SH3TC1: variants seen among roughly 807,000 people sequenced by gnomAD.
The protein encoded by SH3TC1 is SH3 domain and tetratricopeptide repeat-containing protein 1.
A neutral mutation model predicts 117.3 loss-of-function variants in SH3TC1; 135 were observed. The observed-to-expected ratio is 1.15, with a 90% CI of 1.00 to 1.33. The LOEUF is 1.33. Ranked by LOEUF, SH3TC1 falls within the 40% of genes most tolerant of loss-of-function variation. The probability of loss-of-function intolerance (pLI) is 0.00; values close to 1 mark genes in which losing one functional copy is unlikely to be tolerated. For synonymous variants in SH3TC1, 898 were observed against 816.9 expected (o/e 1.10, Z -1.69); for missense variants, 2,092 against 1,794.3 (o/e 1.17, Z -3.00).
intron 9 of SH3TC1, among the ~76,000 whole-genome samples, chr4:8,220,082 A>G (rs929785176): frequency 2.6e-4 from 40 of 152,218 alleles, no homozygotes; most frequent in African/African-American, 7.7e-4. Flanking sequence ...TCCAACTCCA[A>G]TCTGACCTCA....
At chr4:8,218,980 T>C (rs1719618934) in intron 8 of SH3TC1, among the ~76,000 whole-genome samples, 1 of 152,050 alleles carries the variant, frequency 6.6e-6, no homozygotes, top group Admixed American at 6.6e-5. Context: ...TGCGCACCTG[T>C]CAGGGGGACT....
upstream of SH3TC1, among the ~76,000 whole-genome samples, chr4:8,195,936 G>A (rs1182138991): frequency 6.6e-6 from 1 of 152,194 alleles, no homozygotes; most frequent in Admixed American, 6.5e-5. Flanking sequence ...CTGAGCAGGG[G>A]CACAGGGCAG....
intron 14 of SH3TC1, among the ~76,000 whole-genome samples, chr4:8,234,986 T>C (rs1444848616): frequency 2.0e-5 from 3 of 152,244 alleles, no homozygotes; most frequent in Non-Finnish European, 4.4e-5. Flanking sequence ...GCACCTGCTG[T>C]ATACTTCCTT....
chr4:8,232,395 C>A (rs760157168), intron 13 of SH3TC1: 1 of 1,579,914 alleles, frequency 6.3e-7, no homozygotes. Flanking sequence ...CCTGCTTGCA[C>A]ACCTCCCCAA....
Position 8,212,753 on chromosome 4 carries a change from C to T in SH3TC1, c.300C>T (p.Pro100=), listed in dbSNP as rs756260540. ...GGAGGAAGAGCAGACTGCGGGACCC[C>T]GGCCTACAGCAGACCCTCCGGGGCC... is the stretch of plus-strand genomic sequence containing the variant. ...AVRRKSRLRD[P]GLQQTLRGQL... Residue 100 remains proline, a synonymous_variant, in exon 4 of 18, where the codon CCC becomes CCT. Transcript: ENST00000245105. 1.1e-5 allele frequency: 17 copies of T among 1,612,572 alleles called. No homozygotes were observed. Among genetic ancestry groups the T allele is most frequent in the South Asian group, 4.4e-5 (4 of 90,966 alleles).
rs772874177 is a variant in SH3TC1, at chr4:8,203,547, A to G, written c.-28-1620A>G. Among the ~76,000 whole-genome samples, 14 of 152,070 alleles carry G rather than the reference A, an allele frequency of 9.2e-5. No homozygotes were observed. The South Asian group carries it at 1.9e-3, about 20-fold the overall frequency. ...GGAAACTGGGCTCCATCTGTGCTTG[A>G]TGTATGGTGAGATTTTCCGTGCTGC... On this transcript the variant is annotated intron_variant, in intron 1 of 17. Coordinates refer to ENST00000245105, the MANE Select transcript of SH3TC1 (RefSeq NM_018986.5).
intron 3 of SH3TC1, among the ~76,000 whole-genome samples, chr4:8,211,903 G>A (rs933013041): frequency 2.0e-5 from 3 of 152,138 alleles, no homozygotes; most frequent in South Asian, 2.1e-4. Flanking sequence ...GAGTAGGGCC[G>A]ATGGGTCGGA....
intron 17 of SH3TC1, among the ~76,000 whole-genome samples, chr4:8,238,711 G>A (rs547677305): frequency 1.6e-4 from 24 of 152,324 alleles, no homozygotes; most frequent in African/African-American, 5.5e-4. Flanking sequence ...CCAGAGGGAC[G>A]CTGCTCACTG....
intron 1 of SH3TC1, among the ~76,000 whole-genome samples, chr4:8,187,358 C>T (rs1033672271): frequency 1.3e-5 from 2 of 149,718 alleles, no homozygotes; most frequent in African/African-American, 5.1e-5. Context: ...CATTTCCACA[C>T]TATCCTCTGT....
chr4:8,207,800 C>T (rs1163515169), intron 2 of SH3TC1, among the ~76,000 whole-genome samples: 1 of 152,208 alleles, frequency 6.6e-6, no homozygotes, highest in African/African-American at 2.4e-5. Flanking sequence ...CTTTCCCTGC[C>T]ATAGCCCTGG....
Position 8,231,969 on chromosome 4 carries a change from T to C in SH3TC1, c.2951-7T>C. On this transcript the variant is annotated splice_region_variant and splice_polypyrimidine_tract_variant and intron_variant, in intron 12 of 17. Transcript: ENST00000245105. Reference sequence around the variant, plus strand: ...GGCTGACGTCTTCCTTTTTGTCTTCTGCCCAGGCCAGCTGCGGGCCGTCCA... The same window carrying C: ...GGCTGACGTCTTCCTTTTTGTCTTCCGCCCAGGCCAGCTGCGGGCCGTCCA... The C allele has an allele frequency of 1.2e-6, 2 of 1,610,186 alleles. No homozygotes were observed. Among genetic ancestry groups the C allele is most frequent in the Non-Finnish European group, 1.7e-6 (2 of 1,179,860 alleles).
chr4:8,229,343 C>T (rs1340598764), intron 12 of SH3TC1: 1 of 149,496 alleles, frequency 6.7e-6, no homozygotes, highest in Non-Finnish European at 1.5e-5. Context: ...AAGATTTAGT[C>T]AAGTAATACG....
upstream of SH3TC1, among the ~76,000 whole-genome samples, chr4:8,196,415 G>C (rs2152975434): frequency 6.6e-6 from 1 of 152,254 alleles, no homozygotes; most frequent in East Asian, 1.9e-4. This position sits in a 1 kb window ranked among gnomAD's most constrained non-coding sequence, Gnocchi z 4.6. Context: ...GTGGGGTGGG[G>C]TGATGTTGGG....
At position 8,227,386 on chromosome 4, in the gene SH3TC1, C is replaced by G. The variant is rs754769914; in HGVS notation, c.1692C>G (p.Phe564Leu). ...GLLMALARLC[F>L]LLGRLCSRRL... ...TCATGGCCCTGGCCAGGCTCTGCTT[C>G]CTCCTGGGGCGGCTGTGCAGCAGGA... The change falls in exon 12 of 18, where the codon TTC (phenylalanine) becomes TTG (leucine). Residue 564 changes from phenylalanine to leucine, a missense_variant. Transcript: ENST00000245105. 8 of 1,552,644 alleles carry G rather than the reference C, an allele frequency of 5.2e-6. No homozygotes were observed. The highest frequency in any genetic ancestry group is 7.0e-6 in the Non-Finnish European group (8 of 1,149,976).
chr4:8,235,706 T>C (rs185733719), intron 15 of SH3TC1, 151 bp downstream of exon 15: 658 of 1,129,746 alleles, frequency 5.8e-4, no homozygotes, highest in Middle Eastern at 3.2e-3. Flanking sequence ...GGGAATGATA[T>C]TGACTGTGCC....
chr4:8,235,367 C>A (rs1486068198), intron 14 of SH3TC1, 66 bp from the exon 15 acceptor site: 5 of 1,411,578 alleles, frequency 3.5e-6, no homozygotes, highest in Non-Finnish European at 3.7e-6. Flanking sequence ...GCGGGGGAGT[C>A]CGACCTGGGT....
rs1718546183 is a variant in SH3TC1, at chr4:8,210,264, G to A, written c.247+442G>A. ...AGCAGAGCCCACAAAGGGGGCCCAG[G>A]AAGCTGCTGGCTGTGAAGGTGTAAG... is the stretch of plus-strand genomic sequence containing the variant. On this transcript the variant is annotated intron_variant, in intron 3 of 17. Transcript: ENST00000245105. The surrounding 1 kb of genome is among the most constrained non-coding windows in gnomAD (Gnocchi z 4.1). 6.6e-6 allele frequency among the ~76,000 whole-genome samples: 1 copy of A among 152,214 alleles called. No individual in the cohort carries two copies. Among genetic ancestry groups the A allele is most frequent in the Non-Finnish European group, 1.5e-5 (1 of 68,022 alleles).
In SH3TC1 at chr4:8,210,831, G is replaced by C. The variant is rs1427376908; in HGVS notation, c.247+1009G>C. ...GATGGGCTGGTGCCTCCTGTTGGGG[G>C]AGTGGATTCCAGATTCCAGAAGTCT... On this transcript the variant is annotated intron_variant, in intron 3 of 17. Transcript: ENST00000245105. The surrounding 1 kb of genome is among the most constrained non-coding windows in gnomAD (Gnocchi z 4.1). Among the ~76,000 whole-genome samples, 9 of 151,602 alleles carry C rather than the reference G, an allele frequency of 5.9e-5. No individual in the cohort carries two copies.
chr4:8,219,283 T>C (rs1719659334), intron 8 of SH3TC1, 52 bp from the exon 9 acceptor site: 4 of 1,498,172 alleles, frequency 2.7e-6, no homozygotes, highest in Non-Finnish European at 2.7e-6. Context: ...GTCTGCCCGC[T>C]CTGGCCCCCA....
Sources: gnomAD v4.1 joint callset for allele counts (sites outside exome capture counted in the v4.1 genomes callset) on GRCh38, gnomAD v4.1.1 for gene constraint, Gnocchi (gnomAD v3.1) non-coding constraint, MANE v1.5 for transcripts, NCBI Gene and HGNC (gene_info 2026-07-23, HGNC 2026-07-21) for gene names.